Variants in GMDS observed in about 807,000 individuals in gnomAD.
GMDS encodes the protein GDP-mannose 4,6 dehydratase.
In GMDS, 20 loss-of-function variants were observed where a neutral mutation model predicts 49.9. That is an observed-to-expected ratio of 0.40 (90% CI 0.28 to 0.58). The LOEUF (loss-of-function observed/expected upper bound fraction) is 0.58, where lower values mean the gene tolerates loss of function less well. Ranked by LOEUF, GMDS falls within the 20% of genes least tolerant of loss-of-function variation. The pLI, the probability that GMDS is intolerant of heterozygous loss-of-function variation, is 0.42. For missense variants in GMDS, 362 were observed against 481.4 expected (o/e 0.75, Z 2.32); for synonymous variants, 177 against 178.6 (o/e 0.99, Z 0.07).
intron 1 of GMDS, among the ~76,000 whole-genome samples, chr6:2,145,820 A>G (rs995217134): frequency 6.6e-6 from 1 of 152,208 alleles, no homozygotes; most frequent in African/African-American, 2.4e-5. Context: ...TTGGGCCCAG[A>G]GTTCAGGACC....
At chr6:2,242,839 T>C (rs1017058968) in intron 1 of GMDS, among the ~76,000 whole-genome samples, 1 of 152,186 alleles carries the variant, frequency 6.6e-6, no homozygotes, top group East Asian at 1.9e-4. Context: ...GCAGAGTGAA[T>C]AGCTCAGTAA....
At chr6:2,096,844 T>C (rs1298494530) in intron 4 of GMDS, among the ~76,000 whole-genome samples, 3 of 152,208 alleles carry the variant, frequency 2.0e-5, no homozygotes, top group Non-Finnish European at 2.9e-5. Context: ...CATGACTTTA[T>C]ATTTTAGTTG....
At chr6:2,025,607 A>G (rs1581534860) in intron 4 of GMDS, among the ~76,000 whole-genome samples, 1 of 152,198 alleles carries the variant, frequency 6.6e-6, no homozygotes, top group East Asian at 1.9e-4. Context: ...ATCCAAGTAA[A>G]TTAAACTAAC....
At chr6:1,750,035 G>GT in intron 7 of GMDS, among the ~76,000 whole-genome samples, 1 of 152,190 alleles carries the variant, frequency 6.6e-6, no homozygotes, top group East Asian at 1.9e-4. Flanking sequence ...TACTAAAAAT[G>GT]TATGTATGGG....
intron 7 of GMDS, among the ~76,000 whole-genome samples, chr6:1,782,884 T>TCAAGAAAGGATTACA (rs1450329424): frequency 3.9e-5 from 6 of 152,204 alleles, no homozygotes; most frequent in African/African-American, 1.4e-4. Flanking sequence ...CTGGGTGTGG[T>TCAAGAAAGGATTACA]GGCTCATGCC....
chr6:2,229,081 G>T (rs373493768), intron 1 of GMDS, among the ~76,000 whole-genome samples: 1 of 152,176 alleles, frequency 6.6e-6, no homozygotes, highest in Non-Finnish European at 1.5e-5. Flanking sequence ...TTTCCCCAGG[G>T]CTTCACTGCA....
At chr6:2,173,138 T>C (rs1477952827) in intron 1 of GMDS, among the ~76,000 whole-genome samples, 1 of 152,216 alleles carries the variant, frequency 6.6e-6, no homozygotes, top group Non-Finnish European at 1.5e-5. Flanking sequence ...TAGGTTATTT[T>C]AAAAACAACA....
intron 1 of GMDS, among the ~76,000 whole-genome samples, chr6:2,185,289 G>A (rs954072339): frequency 2.6e-5 from 4 of 152,166 alleles, no homozygotes; most frequent in Non-Finnish European, 5.9e-5. Flanking sequence ...AAACATGCCT[G>A]TGGTCACCGC....
At chr6:1,677,510 G>A (rs145216206) in intron 9 of GMDS, among the ~76,000 whole-genome samples, 10,127 of 151,966 alleles carry the variant, frequency 0.067, 354 homozygotes, top group Middle Eastern at 0.088. Context: ...TGTTTATTGT[G>A]GCACTATTCA....
chr6:1,634,552 A>G (rs1313930081), intron 9 of GMDS, among the ~76,000 whole-genome samples: 1 of 152,102 alleles, frequency 6.6e-6, no homozygotes, highest in Non-Finnish European at 1.5e-5. Flanking sequence ...CATGTGCACT[A>G]TGTAAAAGTC....
At chr6:1,717,629 T>A (rs898298245) in intron 9 of GMDS, 3 of 152,208 alleles carry the variant, frequency 2.0e-5, no homozygotes, top group Non-Finnish European at 2.9e-5. Flanking sequence ...CAAGTAACTT[T>A]TTCTGCATGA....
At chr6:1,690,745 C>T (rs1765140551) in intron 9 of GMDS, among the ~76,000 whole-genome samples, 1 of 152,112 alleles carries the variant, frequency 6.6e-6, no homozygotes, top group Non-Finnish European at 1.5e-5. Context: ...ATGCAGCCAA[C>T]AAACATATAA....
chr6:2,197,380 C>T (rs1432995944), intron 1 of GMDS, among the ~76,000 whole-genome samples: 1 of 152,162 alleles, frequency 6.6e-6, no homozygotes, highest in Non-Finnish European at 1.5e-5. Context: ...AGACTAGTTT[C>T]CTGAGGAAGG....
chr6:1,997,247 T>A (rs139233636), intron 4 of GMDS, among the ~76,000 whole-genome samples: 25 of 152,146 alleles, frequency 1.6e-4, no homozygotes, highest in East Asian at 9.7e-4. Flanking sequence ...CGGTGGCTCA[T>A]GCCTGTAATC....
chr6:2,161,719 G>A (rs2127546160), intron 1 of GMDS, among the ~76,000 whole-genome samples: 1 of 152,324 alleles, frequency 6.6e-6, no homozygotes, highest in East Asian at 1.9e-4. Context: ...TGGTGAAAAA[G>A]ATAAGGGACC....
chr6:1,913,247 G>A (rs577495673), intron 7 of GMDS, among the ~76,000 whole-genome samples: 13 of 150,910 alleles, frequency 8.6e-5, no homozygotes, highest in South Asian at 4.2e-4. Flanking sequence ...CGGGCGTAGT[G>A]GCGGGCGCCT....
chr6:2,098,348 G>A (rs898616495), intron 4 of GMDS, among the ~76,000 whole-genome samples: 11 of 152,146 alleles, frequency 7.2e-5, no homozygotes, highest in African/African-American at 2.4e-4. Flanking sequence ...GTAAGCCACC[G>A]CGCCCAGCCA....
At chr6:2,129,635 T>A (rs929552941) in intron 1 of GMDS, among the ~76,000 whole-genome samples, 2 of 152,220 alleles carry the variant, frequency 1.3e-5, no homozygotes, top group African/African-American at 4.8e-5. Context: ...TGCCTTTTTA[T>A]GTTCTTTAAC....
chr6:1,768,827 A>C (rs1768463882), intron 7 of GMDS, among the ~76,000 whole-genome samples: 1 of 152,218 alleles, frequency 6.6e-6, no homozygotes, highest in South Asian at 2.1e-4. Context: ...GAATATTCAT[A>C]ATTTGTAAAA....
Sources: allele counts gnomAD v4.1 joint callset (sites outside exome capture counted in the v4.1 genomes callset), GRCh38; gene constraint gnomAD v4.1.1; transcripts MANE v1.5; gene names NCBI Gene and HGNC (gene_info 2026-07-23, HGNC 2026-07-21).